The following USP53 variants were observed in gnomAD, a reference collection of about 807,000 sequenced individuals.
The protein encoded by USP53 is ubiquitin carboxyl-terminal hydrolase 53.
Under a neutral mutation model 94.9 loss-of-function variants are expected in USP53, and 71 were observed. That is an observed-to-expected ratio of 0.75 (90% CI 0.62 to 0.91). The LOEUF is 0.91. Ranked by LOEUF, USP53 falls within the 40% of genes least tolerant of loss-of-function variation. The pLI is 0.00. For synonymous variants in USP53, 375 were observed against 422.7 expected (o/e 0.89, Z 1.39); for missense variants, 1,173 against 1,281.0 (o/e 0.92, Z 1.29).
intron 7 of USP53, among the ~76,000 whole-genome samples, chr4:119,253,156 C>T (rs551216180): frequency 2.0e-5 from 3 of 151,646 alleles, no homozygotes; most frequent in Non-Finnish European, 4.4e-5. Flanking sequence ...ATTATGTGGT[C>T]GGTTTTAGAT....
intron 18 of USP53, among the ~76,000 whole-genome samples, chr4:119,291,574 C>A (rs1406547273): frequency 2.0e-5 from 3 of 152,142 alleles, no homozygotes; most frequent in Non-Finnish European, 4.4e-5. Context: ...GCTCCATCTA[C>A]CTAGCAAATC....
intron 3 of USP53, among the ~76,000 whole-genome samples, chr4:119,233,174 CT>C (rs11341773): frequency 0.27 from 38,949 of 142,118 alleles, 5,370 homozygotes; most frequent in East Asian, 0.4. Context: ...TTCTCTCTCT[CT>C]TTTTTTTTTT....
chr4:119,256,285 A>G lies in USP53; in HGVS notation c.412A>G (p.Ser138Gly). 6 of 1,613,918 alleles carry G rather than the reference A, an allele frequency of 3.7e-6. No homozygotes were observed. The highest frequency in any genetic ancestry group is 5.1e-6 in the Non-Finnish European group (6 of 1,179,952). The change falls in exon 8 of 19, where the codon AGC (serine) becomes GGC (glycine). Residue 138 changes from serine to glycine, a missense_variant. Coordinates refer to ENST00000692078, the MANE Select transcript of USP53 (RefSeq NM_001371395.1). ...LERIHFHIVPSRDADMCTSKS... is the reference protein window; with the variant it reads ...LERIHFHIVPGRDADMCTSKS... ...GAGGATTCATTTTCACATAGTGCCA[A>G]GCAGAGATGCAGACATGTGTACCTC...
At chr4:119,244,921 C>T (rs1160621472) in intron 5 of USP53, among the ~76,000 whole-genome samples, 4 of 152,152 alleles carry the variant, frequency 2.6e-5, no homozygotes, top group African/African-American at 9.7e-5. Flanking sequence ...CAATTTAGTA[C>T]ACTCTGGCTT....
chr4:119,225,517 C>T (rs1300031522), intron 3 of USP53, among the ~76,000 whole-genome samples: 11 of 152,034 alleles, frequency 7.2e-5, no homozygotes, highest in Admixed American at 5.9e-4. Context: ...GAGGCCGAGG[C>T]GGGCAGATCA....
At chr4:119,242,488 T>C (rs1306573973) in intron 5 of USP53, among the ~76,000 whole-genome samples, 1 of 152,204 alleles carries the variant, frequency 6.6e-6, no homozygotes, top group Non-Finnish European at 1.5e-5. Flanking sequence ...CTGTGAGCTC[T>C]GGGCACTATT....
At chr4:119,279,438 T>C (rs1753161265) in intron 17 of USP53, among the ~76,000 whole-genome samples, 1 of 149,514 alleles carries the variant, frequency 6.7e-6, no homozygotes, top group Admixed American at 6.6e-5. Flanking sequence ...GGGACCCACT[T>C]GAGGAGGCAG....
chr4:119,288,216 C>T (rs1754334383), intron 17 of USP53, among the ~76,000 whole-genome samples: 1 of 152,044 alleles, frequency 6.6e-6, no homozygotes, highest in South Asian at 2.1e-4. Flanking sequence ...AGAAATAAAC[C>T]CAGTACATGC....
At chr4:119,215,082 T>A (rs1743527354) in intron 2 of USP53, among the ~76,000 whole-genome samples, 1 of 152,194 alleles carries the variant, frequency 6.6e-6, no homozygotes, top group Admixed American at 6.5e-5. Context: ...GTTTATATAT[T>A]GCATCTGGAA....
intron 17 of USP53, among the ~76,000 whole-genome samples, chr4:119,286,582 T>G (rs1754140991): frequency 6.6e-6 from 1 of 152,008 alleles, no homozygotes; most frequent in East Asian, 1.9e-4. Context: ...AAACCTATGC[T>G]GCCTCCTGCT....
chr4:119,215,695 G>A (rs1012551576), intron 2 of USP53, among the ~76,000 whole-genome samples: 2 of 151,158 alleles, frequency 1.3e-5, no homozygotes, highest in Non-Finnish European at 2.9e-5. Context: ...GGCTTCATTA[G>A]GCCACCAAAG....
chr4:119,261,742 G>T lies in USP53; in HGVS notation c.850G>T (p.Ala284Ser). The T allele has an allele frequency of 6.4e-7, 1 of 1,565,140 alleles. No individual in the cohort carries two copies. Among genetic ancestry groups the T allele is most frequent in the Non-Finnish European group, 8.7e-7 (1 of 1,146,052 alleles). ...GLFYRVTDEN[A>S]KNSELNLVGM... ...TTTTTATAGAGTTACTGATGAAAAT[G>T]CCAAAAATAGTGAACTTAACCTTGT... The change falls in exon 12 of 19, where the codon GCC becomes TCC. Residue 284 changes from alanine to serine, a missense_variant. Coordinates refer to ENST00000692078, the MANE Select transcript of USP53 (RefSeq NM_001371395.1).
chr4:119,264,184 T>C (rs780866896), intron 12 of USP53, among the ~76,000 whole-genome samples: 4 of 152,126 alleles, frequency 2.6e-5, no homozygotes, highest in Non-Finnish European at 4.4e-5. Context: ...AATATGCCAC[T>C]TCAAAATAGC....
At chr4:119,256,143 A>G (rs1211983779) in intron 7 of USP53, 103 bp from the exon 8 acceptor site, 7 of 760,222 alleles carry the variant, frequency 9.2e-6, no homozygotes, top group Non-Finnish European at 1.5e-5. Flanking sequence ...TATGTATGAC[A>G]CTCTTAAATT....
At chr4:119,240,572 T>C (rs1032522822) in intron 5 of USP53, among the ~76,000 whole-genome samples, 1 of 152,194 alleles carries the variant, frequency 6.6e-6, no homozygotes, top group Non-Finnish European at 1.5e-5. Flanking sequence ...AGATTTAGAA[T>C]ACTGATAACT....
intron 9 of USP53, 78 bp downstream of exon 9, chr4:119,256,601 C>G: frequency 7.1e-7 from 1 of 1,414,760 alleles, no homozygotes; most frequent in Non-Finnish European, 1.0e-6. Flanking sequence ...TTTATAAAAT[C>G]ATAGCATACA....
intron 1 of USP53, 47 bp downstream of exon 1, chr4:119,212,920 G>T (rs181671529): frequency 5.7e-6 from 1 of 176,836 alleles, no homozygotes; most frequent in African/African-American, 2.4e-5. Context: ...AGAGACCTGC[G>T]ACCCCCGCGG....
intron 9 of USP53, among the ~76,000 whole-genome samples, chr4:119,257,504 A>G (rs1424803519): frequency 1.3e-5 from 2 of 152,216 alleles, no homozygotes; most frequent in Non-Finnish European, 2.9e-5. Flanking sequence ...AAACATTTGC[A>G]TACATTTTAA....
intron 3 of USP53, among the ~76,000 whole-genome samples, chr4:119,225,606 C>T (rs1200862716): frequency 2.0e-5 from 3 of 151,906 alleles, no homozygotes; most frequent in African/African-American, 7.3e-5. Context: ...ATTAGCCGGG[C>T]GTGGTGGCGG....
Sources: gnomAD v4.1 joint callset for allele counts (sites outside exome capture counted in the v4.1 genomes callset) on GRCh38, gnomAD v4.1.1 for gene constraint, MANE v1.5 for transcripts, NCBI Gene and HGNC (gene_info 2026-07-23, HGNC 2026-07-21) for gene names.